SYT14: variants seen among roughly 807,000 people sequenced by gnomAD.
SYT14 encodes synaptotagmin 14, also known as synaptotagmin-14.
In SYT14, 32 loss-of-function variants were observed where a neutral mutation model predicts 74.2. That is an observed-to-expected ratio of 0.43 (90% CI 0.33 to 0.58). The LOEUF is 0.58. SYT14 is among the 20% of genes least tolerant of loss of function. SYT14 has a pLI of 0.05. For synonymous variants in SYT14, 298 were observed against 337.7 expected (o/e 0.88, Z 1.29); for missense variants, 791 against 981.8 (o/e 0.81, Z 2.60).
intron 5 of SYT14, among the ~76,000 whole-genome samples, chr1:210,090,354 T>C (rs1302648011): frequency 7.0e-6 from 1 of 142,518 alleles, no homozygotes; most frequent in Non-Finnish European, 1.5e-5. Context: ...TTTTGGCAGA[T>C]TTCCACAGGC....
intron 8 of SYT14, 55 bp downstream of exon 7, chr1:210,155,965 C>T (rs901493558): frequency 1.2e-5 from 18 of 1,503,290 alleles, no homozygotes; most frequent in Non-Finnish European, 1.4e-5. Context: ...TTGGGACTCT[C>T]AGTATTAGGG....
At chr1:210,161,458 C>A (rs1207734877) in exon 10 of SYT14, 3 of 454,362 alleles carry the variant, frequency 6.6e-6, no homozygotes, top group Non-Finnish European at 1.3e-5. Context: ...TTTGACTGGC[C>A]AGTCCCTGGT....
intron 9 of SYT14, 61 bp downstream of exon 8, chr1:210,159,538 A>C (rs1283432605): frequency 1.1e-5 from 16 of 1,458,226 alleles, no homozygotes; most frequent in Non-Finnish European, 1.5e-5. Flanking sequence ...AATACCCTAA[A>C]ACTTGCCAGC....
intron 5 of SYT14, among the ~76,000 whole-genome samples, chr1:210,072,914 T>C (rs1023071782): frequency 6.6e-5 from 10 of 151,728 alleles, no homozygotes; most frequent in African/African-American, 1.9e-4. Context: ...ACAAGAATAA[T>C]TAAGTATTTT....
intron 2 of SYT14, among the ~76,000 whole-genome samples, chr1:209,981,454 T>TCTTTTC (rs1288874295): frequency 7.2e-6 from 1 of 139,422 alleles, no homozygotes; most frequent in Non-Finnish European, 1.6e-5. Context: ...TCTTTTCTTT[T>TCTTTTC]TTTTTTTTTT....
intron 2 of SYT14, among the ~76,000 whole-genome samples, chr1:209,986,985 C>T (rs1459210641): frequency 1.3e-5 from 2 of 152,170 alleles, no homozygotes. Context: ...CAACCAAGCT[C>T]TTTGTTAAGG....
At chr1:210,033,798 T>C (rs1470042052) in intron 5 of SYT14, among the ~76,000 whole-genome samples, 2 of 151,822 alleles carry the variant, frequency 1.3e-5, no homozygotes, top group African/African-American at 2.4e-5. Context: ...TCATGGGATT[T>C]TGGTCATTGG....
chr1:209,988,211 TATCTG>T (rs1202736895), intron 2 of SYT14, among the ~76,000 whole-genome samples: 4 of 152,218 alleles, frequency 2.6e-5, no homozygotes, highest in African/African-American at 9.6e-5. Flanking sequence ...TCTTTTGTAA[TATCTG>T]ATGTGCTGTC....
chr1:209,986,865 G>A (rs550880027), intron 2 of SYT14, among the ~76,000 whole-genome samples: 52 of 151,930 alleles, frequency 3.4e-4, no homozygotes, highest in Non-Finnish European at 6.6e-4. Context: ...CTTGTGATCC[G>A]CCCACCTCAG....
intron 2 of SYT14, among the ~76,000 whole-genome samples, chr1:209,961,557 T>G (rs2079075780): frequency 6.6e-6 from 1 of 152,144 alleles, no homozygotes; most frequent in Admixed American, 6.5e-5. Context: ...GGTGACATTA[T>G]TAAGGCTTAT....
chr1:210,158,961 A>G (rs1005288527), intron 8 of SYT14, among the ~76,000 whole-genome samples: 6 of 152,272 alleles, frequency 3.9e-5, no homozygotes, highest in Non-Finnish European at 8.8e-5. Context: ...AAAAAGTTCA[A>G]TAGTCCTATT....
chr1:209,942,359 T>TCCCC (rs2078746976), intron 1 of SYT14, among the ~76,000 whole-genome samples: 1 of 65,382 alleles, frequency 1.5e-5, no homozygotes, highest in African/African-American at 8.6e-5. Flanking sequence ...CATGCAAATT[T>TCCCC]ACCCCCCCCC....
chr1:210,110,266 TA>T (rs892340042), intron 7 of SYT14, among the ~76,000 whole-genome samples: 15 of 151,946 alleles, frequency 9.9e-5, no homozygotes, highest in African/African-American at 3.6e-4. Context: ...TAAAGTATAA[TA>T]AAAAAAATTT....
chr1:209,976,998 G>A (rs541777413), intron 2 of SYT14, among the ~76,000 whole-genome samples: 8 of 152,242 alleles, frequency 5.3e-5, no homozygotes, highest in African/African-American at 1.9e-4. Flanking sequence ...TTGGTTTAAA[G>A]TCTATTTTAT....
intron 2 of SYT14, among the ~76,000 whole-genome samples, chr1:209,956,478 A>G (rs949481441): frequency 2.0e-5 from 3 of 152,090 alleles, no homozygotes; most frequent in East Asian, 3.9e-4. Context: ...GTGTGGGGGA[A>G]AAAAAGGGGA....
Position 210,095,178 on chromosome 1 carries a change from A to G in SYT14, c.1584+585A>G, listed in dbSNP as rs1396986493. Among the ~76,000 whole-genome samples the G allele has an allele frequency of 2.0e-5, 3 of 152,194 alleles. No individual in the cohort carries two copies. In the East Asian group the frequency reaches 5.8e-4, roughly 29 times the overall value. ...TGTGGCAGTTTTGAAGTATTACTGT[A>G]TTCTAAAAAGAATTTGTTTTAATGT... On this transcript the variant is annotated intron_variant, in intron 6 of 9. Coordinates refer to ENST00000637265, the Ensembl canonical transcript of SYT14.
Position 210,152,817 on chromosome 1 carries a change from G to A in SYT14, c.2035-2904G>A, listed in dbSNP as rs561442031. 7.2e-5 allele frequency among the ~76,000 whole-genome samples: 11 copies of A among 151,950 alleles called. No individual in the cohort carries two copies. The South Asian group carries it at 1.9e-3, about 26-fold the overall frequency. ...AATGTTACCACCTATTAATACATCG[G>A]GAACATAATGGTTTAGTTCTGCTTG... On this transcript the variant is annotated intron_variant, in intron 7 of 9. Transcript: ENST00000637265.
chr1:210,051,476 C>T (rs971578367), intron 5 of SYT14, among the ~76,000 whole-genome samples: 1 of 152,128 alleles, frequency 6.6e-6, no homozygotes, highest in South Asian at 2.1e-4. Context: ...AAAACATATA[C>T]TCAGATAAAT....
At chr1:210,048,371 G>T (rs1334403070) in intron 5 of SYT14, among the ~76,000 whole-genome samples, 1 of 152,100 alleles carries the variant, frequency 6.6e-6, no homozygotes, top group Admixed American at 6.5e-5. Flanking sequence ...AGGTTTATTG[G>T]ACTTACAGTT....
Sources: gnomAD v4.1 joint callset for allele counts (sites outside exome capture counted in the v4.1 genomes callset) on GRCh38, gnomAD v4.1.1 for gene constraint, MANE v1.5 for transcripts, NCBI Gene and HGNC (gene_info 2026-07-23, HGNC 2026-07-21) for gene names.